FBXL13: variants seen among roughly 807,000 people sequenced by gnomAD.
FBXL13 encodes the protein F-box and leucine rich repeat protein 13.
In FBXL13, 67 loss-of-function variants were observed where a neutral mutation model predicts 83.6. That is an observed-to-expected ratio of 0.80 (90% CI 0.66 to 0.98). FBXL13 has a LOEUF of 0.98. FBXL13 is among the 50% of genes least tolerant of loss of function. FBXL13 has a pLI of 0.00. For synonymous variants in FBXL13, 272 were observed against 299.5 expected, an observed-to-expected ratio of 0.91 and a Z score of 0.95; for missense variants, 822 against 866.5, an observed-to-expected ratio of 0.95 and a Z score of 0.64.
chr7:102,981,693 T>G (rs1307924635), intron 6 of FBXL13, among the ~76,000 whole-genome samples: 3 of 152,232 alleles, frequency 2.0e-5, no homozygotes, highest in African/African-American at 7.2e-5. Flanking sequence ...GTCATTTCAC[T>G]GTGTCCACAC....
chr7:102,976,004 A>G, intron 6 of FBXL13: 5 of 766,424 alleles, frequency 6.5e-6, no homozygotes, highest in Non-Finnish European at 1.2e-5. Context: ...CACAATGCCC[A>G]AACCCAGGTA....
At chr7:103,039,568 G>A (rs575861905) in intron 2 of FBXL13, among the ~76,000 whole-genome samples, 1 of 152,198 alleles carries the variant, frequency 6.6e-6, no homozygotes, top group African/African-American at 2.4e-5. Context: ...GTTAAGGGCA[G>A]CCAGAGAGAA....
chr7:103,068,490 C>T (rs1798607073), intron 1 of FBXL13, among the ~76,000 whole-genome samples: 1 of 152,044 alleles, frequency 6.6e-6, no homozygotes, highest in Non-Finnish European at 1.5e-5. Context: ...CCTGCTACAA[C>T]AACTAGAAAA....
chr7:103,074,382 G>A, exon 1 of FBXL13: 1 of 1,070,896 alleles, frequency 9.3e-7, no homozygotes, highest in Non-Finnish European at 1.1e-6. Flanking sequence ...CCACTCCTCA[G>A]GTACTTCTTG....
chr7:102,843,304 G>T (rs28722504), intron 17 of FBXL13, among the ~76,000 whole-genome samples: 1 of 151,710 alleles, frequency 6.6e-6, no homozygotes, highest in Non-Finnish European at 1.5e-5. Flanking sequence ...TTACCTGGGC[G>T]TGGTGGCGCA....
rs375057282 is a variant in FBXL13 at position 103,013,107 on chromosome 7, T to C, written c.495+11956A>G. 2.9e-3 allele frequency among the ~76,000 whole-genome samples: 441 copies of C among 152,304 alleles called. 2 individuals carry two copies. Among genetic ancestry groups the C allele is most frequent in the African/African-American group, 0.01 (418 of 41,562 alleles). On this transcript the variant is annotated intron_variant, in intron 6 of 19. Transcript: ENST00000313221. ...CAAGAAGACCTATCTATCATAAATA[T>C]CTATGCGCTCAACCCAGATTCATAA...
At chr7:102,911,273 G>A (rs1480222709) in intron 11 of FBXL13, among the ~76,000 whole-genome samples, 1 of 152,272 alleles carries the variant, frequency 6.6e-6, no homozygotes, top group East Asian at 1.9e-4. Context: ...TAGGACACTT[G>A]TGTATACATT....
chr7:103,052,819 C>T (rs1457886039), intron 2 of FBXL13, among the ~76,000 whole-genome samples: 7 of 150,078 alleles, frequency 4.7e-5, no homozygotes, highest in African/African-American at 1.5e-4. Flanking sequence ...TGCAGTGGCA[C>T]GATCTCGGCT....
At chr7:103,037,098 C>A (rs1201538756) in intron 2 of FBXL13, among the ~76,000 whole-genome samples, 2 of 152,216 alleles carry the variant, frequency 1.3e-5, no homozygotes, top group Admixed American at 6.5e-5. Flanking sequence ...ATATGTTACA[C>A]TTAAACTTAT....
intron 11 of FBXL13, among the ~76,000 whole-genome samples, chr7:102,889,965 G>A (rs995779149): frequency 1.0e-4 from 15 of 148,380 alleles, no homozygotes; most frequent in Admixed American, 3.3e-4. Context: ...CCCAAAACTT[G>A]ATGCTATCAA....
At chr7:102,814,887 T>C (rs1199477601) in intron 19 of FBXL13, among the ~76,000 whole-genome samples, 3 of 152,244 alleles carry the variant, frequency 2.0e-5, no homozygotes, top group Non-Finnish European at 4.4e-5. Context: ...ATCCTCAAAG[T>C]AGAACATTAC....
At chr7:102,853,954 C>T (rs1805646582) in intron 17 of FBXL13, among the ~76,000 whole-genome samples, 1 of 152,108 alleles carries the variant, frequency 6.6e-6, no homozygotes, top group Non-Finnish European at 1.5e-5. Context: ...ATTGTGGAAG[C>T]CAGTGCAGCG....
In FBXL13 at chr7:103,005,981, C is replaced by T. The variant is rs565152627; in HGVS notation, c.495+19082G>A. On this transcript the variant is annotated intron_variant, in intron 6 of 19. Coordinates refer to ENST00000313221, the Ensembl canonical transcript of FBXL13. ...GGTAACTGGTACCAGGCTATCCTTC[C>T]CAATATAAAATATTAAAAATGGAAA... Among the ~76,000 whole-genome samples the T allele has an allele frequency of 2.6e-5, 4 of 152,124 alleles. No individual in the cohort carries two copies. In the East Asian group the frequency reaches 7.7e-4, roughly 29 times the overall value.
At chr7:102,993,290 CT>C in intron 6 of FBXL13, among the ~76,000 whole-genome samples, 1 of 152,322 alleles carries the variant, frequency 6.6e-6, no homozygotes, top group South Asian at 2.1e-4. Flanking sequence ...CCATCTGGCT[CT>C]TTTACAACAT....
At chr7:102,945,080 A>G (rs758708978) in intron 8 of FBXL13, 1 of 152,712 alleles carries the variant, frequency 6.5e-6, no homozygotes, top group African/African-American at 2.4e-5. Flanking sequence ...CATTAAATAA[A>G]TTTCCATTTC....
At chr7:102,855,647 C>T (rs371589926) in intron 16 of FBXL13, among the ~76,000 whole-genome samples, 2 of 151,836 alleles carry the variant, frequency 1.3e-5, no homozygotes, top group African/African-American at 4.8e-5. Flanking sequence ...CCCACCACCC[C>T]CCAACCCACC....
chr7:103,005,295 G>T (rs1385820351), intron 6 of FBXL13, among the ~76,000 whole-genome samples: 1 of 152,142 alleles, frequency 6.6e-6, no homozygotes. Context: ...TTGAAAAGAG[G>T]GTAGGGACAT....
chr7:102,822,431 T>C (rs749723407), intron 18 of FBXL13: 522 of 650,168 alleles, frequency 8.0e-4, no homozygotes, highest in Non-Finnish European at 1.1e-3. Flanking sequence ...GATGCCTCCA[T>C]TCTTGCTATC....
chr7:103,012,685 C>G (rs1315355240), intron 6 of FBXL13, among the ~76,000 whole-genome samples: 1 of 152,162 alleles, frequency 6.6e-6, no homozygotes, highest in African/African-American at 2.4e-5. Flanking sequence ...AAGACCATTA[C>G]CAGCCACTAT....
Sources: gnomAD v4.1 joint callset for allele counts (sites outside exome capture counted in the v4.1 genomes callset) on GRCh38, gnomAD v4.1.1 for gene constraint, MANE v1.5 for transcripts, NCBI Gene and HGNC (gene_info 2026-07-23, HGNC 2026-07-21) for gene names.